SLCO4A1: variants seen among roughly 807,000 people sequenced by gnomAD.
SLCO4A1 encodes solute carrier organic anion transporter family member 4A1.
Under a neutral mutation model 64.6 loss-of-function variants are expected in SLCO4A1, and 51 were observed. The ratio of observed to expected loss-of-function variants is 0.79; its 90% CI spans 0.63 to 1.00. SLCO4A1 has a LOEUF of 1.00. Ranked by LOEUF, SLCO4A1 falls within the 50% of genes least tolerant of loss-of-function variation. SLCO4A1 has a pLI of 0.00. For missense variants in SLCO4A1, 919 were observed against 980.5 expected (o/e 0.94, Z 0.84); for synonymous variants, 471 against 444.9 (o/e 1.06, Z -0.74).
rs1439348453 is a variant in SLCO4A1, at chr20:62,645,777, C to G, written c.-97+3224C>G. On this transcript the variant is annotated intron_variant, in intron 1 of 11. Transcript: ENST00000217159. The surrounding 1 kb of genome is among the most constrained non-coding windows in gnomAD (Gnocchi z 4.2). ...CAGAGAGCCCAGATTCCTCTCCCTC[C>G]CACGCGCAGCCAGGCCCTTCCTGCC... is the stretch of plus-strand genomic sequence containing the variant. Among the ~76,000 whole-genome samples the G allele has an allele frequency of 6.6e-6, 1 of 151,890 alleles. No homozygotes were observed. The highest frequency in any genetic ancestry group is 1.5e-5 in the Non-Finnish European group (1 of 67,950).
intron 2 of SLCO4A1, among the ~76,000 whole-genome samples, chr20:62,683,846 C>T (rs999563928): frequency 2.0e-5 from 3 of 152,246 alleles, no homozygotes; most frequent in Admixed American, 6.5e-5. Flanking sequence ...TGCAAGATCA[C>T]GTGACCACAC....
downstream of SLCO4A1, among the ~76,000 whole-genome samples, chr20:62,686,885 A>G (rs771387501): frequency 6.7e-6 from 1 of 148,214 alleles, no homozygotes; most frequent in Non-Finnish European, 1.5e-5. Flanking sequence ...GAGCAATGGG[A>G]AGGGCACCCC....
chr20:62,676,696 G>A (rs187931028), downstream of SLCO4A1, among the ~76,000 whole-genome samples: 48 of 152,308 alleles, frequency 3.2e-4, 1 homozygote, highest in East Asian at 8.7e-3. Context: ...AATGTAAAAC[G>A]GTAAAATGGC....
chr20:62,663,860 C>CT (rs1985550207), intron 5 of SLCO4A1, among the ~76,000 whole-genome samples: 1 of 152,204 alleles, frequency 6.6e-6, no homozygotes, highest in African/African-American at 2.4e-5. Context: ...ACTGCACTGG[C>CT]TGGGAGGGCT....
intron 1 of SLCO4A1, among the ~76,000 whole-genome samples, chr20:62,654,712 A>G (rs1983317290): frequency 6.6e-6 from 1 of 151,878 alleles, no homozygotes; most frequent in Non-Finnish European, 1.5e-5. Context: ...AGCTTCCAGA[A>G]GCGCCGGGGT....
intron 2 of SLCO4A1, among the ~76,000 whole-genome samples, chr20:62,683,572 C>G (rs1022536991): frequency 6.6e-6 from 1 of 152,302 alleles, no homozygotes; most frequent in Admixed American, 6.5e-5. Flanking sequence ...CAATATGAGA[C>G]CTATTGTTGG....
chr20:62,675,920 G>T (rs1987571086), downstream of SLCO4A1, among the ~76,000 whole-genome samples: 1 of 152,168 alleles, frequency 6.6e-6, no homozygotes, highest in African/African-American at 2.4e-5. Flanking sequence ...CCTGGGAGAG[G>T]GAGAGGCAGG....
At chr20:62,689,589 C>A (rs921271817), downstream of SLCO4A1, among the ~76,000 whole-genome samples, 1 of 152,060 alleles carries the variant, frequency 6.6e-6, no homozygotes, top group Non-Finnish European at 1.5e-5. Flanking sequence ...GAGCCGGGTG[C>A]CCAGCACAGC....
Position 62,672,272 on chromosome 20 carries a change from T to G in SLCO4A1, c.*379T>G. 1 of 1,138,674 alleles carries G rather than the reference T, an allele frequency of 8.8e-7. No individual in the cohort carries two copies. Among genetic ancestry groups the G allele is most frequent in the Non-Finnish European group, 1.1e-6 (1 of 920,470 alleles). The allele number at this position is 1,138,674 out of a possible 1,614,324, so 70.5% of individuals were successfully genotyped here. On this transcript the variant is annotated 3_prime_UTR_variant, in exon 12 of 12. Coordinates refer to ENST00000217159, the MANE Select transcript of SLCO4A1 (RefSeq NM_016354.4). ...TCAGTTAAAACTGTGCATATCGAAATATATTTTGTTATTTAAGCCTGCGTC... is the reference window on the plus strand; with the variant it reads ...TCAGTTAAAACTGTGCATATCGAAAGATATTTTGTTATTTAAGCCTGCGTC...
Position 62,658,577 on chromosome 20 carries a change from A to G in SLCO4A1, c.797-100A>G, listed in dbSNP as rs2147081040. 5 of 873,162 alleles carry G rather than the reference A, an allele frequency of 5.7e-6. No individual in the cohort carries two copies. The East Asian group carries it at 8.0e-5, about 14-fold the overall frequency. 54.1% of individuals were successfully genotyped at this position (873,162 alleles called of 1,614,324 possible). The stretch of plus-strand genomic sequence containing the variant: ...GAGGGGAGTGGGCCGGAGATGCAGA[A>G]TGGCGGGTGCGGGGCTTCTCCCAGG... On this transcript the variant is annotated intron_variant, in intron 2 of 11. Coordinates refer to ENST00000217159, the MANE Select transcript of SLCO4A1 (RefSeq NM_016354.4).
At chr20:62,654,410 C>T (rs978442126) in intron 1 of SLCO4A1, among the ~76,000 whole-genome samples, 17 of 151,484 alleles carry the variant, frequency 1.1e-4, no homozygotes. Flanking sequence ...ACCCCAGCCC[C>T]AGCGCAGGCC....
intron 2 of SLCO4A1, 27 bp from the exon 3 acceptor site, chr20:62,658,650 G>A (rs888824431): frequency 6.3e-7 from 1 of 1,587,804 alleles, no homozygotes; most frequent in South Asian, 1.1e-5. Flanking sequence ...GTGCACAGCG[G>A]CCCTGACGCC....
At chr20:62,677,064 C>T (rs900361903), downstream of SLCO4A1, among the ~76,000 whole-genome samples, 4 of 152,192 alleles carry the variant, frequency 2.6e-5, no homozygotes, top group South Asian at 6.2e-4. Context: ...TTTTGTGATT[C>T]TTTTGTAAGA....
intron 1 of SLCO4A1, among the ~76,000 whole-genome samples, chr20:62,653,404 G>A (rs1459059567): frequency 2.0e-5 from 3 of 152,200 alleles, no homozygotes; most frequent in African/African-American, 7.2e-5. Flanking sequence ...ACCATGCTGG[G>A]CCCGGTTTAT....
chr20:62,646,754 C>G (rs1339057427), intron 1 of SLCO4A1, among the ~76,000 whole-genome samples: 1 of 152,272 alleles, frequency 6.6e-6, no homozygotes, highest in East Asian at 1.9e-4. Context: ...GAAACTGAGG[C>G]AGAGAGAGGC....
chr20:62,653,833 T>C lies in SLCO4A1; in HGVS notation c.-96-2526T>C, dbSNP rs551188762. 2.9e-3 allele frequency among the ~76,000 whole-genome samples: 420 copies of C among 146,162 alleles called. 1 individual carries two copies. Among genetic ancestry groups the C allele is most frequent in the Non-Finnish European group, 5.1e-3 (342 of 66,884 alleles). On this transcript the variant is annotated intron_variant, in intron 1 of 11. Coordinates refer to ENST00000217159, the MANE Select transcript of SLCO4A1 (RefSeq NM_016354.4). The stretch of plus-strand genomic sequence containing the variant: ...CATGTTCTCACTCATAGGTGGAAAT[T>C]GAACAATGAGAACGCTTGGACACAG...
chr20:62,673,843 A>G (rs1212363790), downstream of SLCO4A1, among the ~76,000 whole-genome samples: 2 of 152,236 alleles, frequency 1.3e-5, no homozygotes, highest in African/African-American at 4.8e-5. Flanking sequence ...CTGGACCCAC[A>G]AAGGCTTTGA....
At chr20:62,668,218 C>A (rs1986727704) in intron 9 of SLCO4A1, 34 bp downstream of exon 9, 1 of 1,610,726 alleles carries the variant, frequency 6.2e-7, no homozygotes, top group Non-Finnish European at 8.5e-7. Context: ...TTGTCCAGAG[C>A]TTTCCTTGCA....
intron 1 of SLCO4A1, among the ~76,000 whole-genome samples, chr20:62,643,735 G>A (rs1033648407): frequency 6.2e-4 from 94 of 152,354 alleles, no homozygotes; most frequent in African/African-American, 2.2e-3. Flanking sequence ...ACAGCTCCTT[G>A]GCCTTAGCCG....
Sources: gnomAD v4.1 joint callset for allele counts (sites outside exome capture counted in the v4.1 genomes callset) on GRCh38, gnomAD v4.1.1 for gene constraint, Gnocchi (gnomAD v3.1) non-coding constraint, MANE v1.5 for transcripts, NCBI Gene and HGNC (gene_info 2026-07-23, HGNC 2026-07-21) for gene names.